The following BMP8B variants were observed in gnomAD, a reference collection of about 807,000 sequenced individuals.
BMP8B encodes the protein bone morphogenetic protein 8b, also known as bone morphogenetic protein 8 (osteogenic protein 2).
Under a neutral mutation model 30.3 loss-of-function variants are expected in BMP8B, and 17 were observed. The observed-to-expected ratio is 0.56, with a 90% CI of 0.38 to 0.84. BMP8B has a LOEUF of 0.84. Ranked by LOEUF, BMP8B falls within the 40% of genes least tolerant of loss-of-function variation. The pLI, the probability that BMP8B is intolerant of heterozygous loss-of-function variation, is 0.00. For synonymous variants in BMP8B, 131 were observed against 214.7 expected (o/e 0.61, Z 3.41); for missense variants, 253 against 494.6 (o/e 0.51, Z 4.63).
At chr1:39,771,283 G>T in intron 3 of BMP8B, 1 of 1,491,288 alleles carries the variant, frequency 6.7e-7, no homozygotes, top group Non-Finnish European at 8.9e-7. Context: ...GGCCAGGACA[G>T]GTGGTGTGAG....
Position 39,763,405 on chromosome 1 carries a change from C to T in BMP8B, c.949-203G>A, listed in dbSNP as rs1161330430. Among the ~76,000 whole-genome samples, 2 of 144,690 alleles carry T rather than the reference C, an allele frequency of 1.4e-5. 1 individual carries two copies. The highest frequency in any genetic ancestry group is 5.2e-5 in the African/African-American group (2 of 38,722). The allele number at this position is 144,690 out of a possible 152,430, so 94.9% of individuals were successfully genotyped here. A position where few individuals can be genotyped will look rare whatever the true frequency, so the allele number is the denominator to read the frequency against. ...TTGCGTCCCCTCCCCAGCCGGCCCT[C>T]CCCTGCCCACGCCTCCCAGAGCTGC... On this transcript the variant is annotated intron_variant, in intron 5 of 6. Coordinates refer to ENST00000372827, the MANE Select transcript of BMP8B (RefSeq NM_001720.5).
intron 1 of BMP8B, among the ~76,000 whole-genome samples, chr1:39,780,457 GC>G (rs1650553466): frequency 6.6e-6 from 1 of 152,232 alleles, no homozygotes; most frequent in Admixed American, 6.5e-5. Context: ...GGAGCACCAA[GC>G]GGTGCAGTTG....
intron 1 of BMP8B, among the ~76,000 whole-genome samples, chr1:39,775,804 A>T (rs1212976553): frequency 1.3e-5 from 2 of 152,258 alleles, no homozygotes; most frequent in Middle Eastern, 6.8e-3. Context: ...CAGGAGTGAC[A>T]ACTCCCAGAG....
chr1:39,785,557 G>A (rs1207936235), intron 1 of BMP8B, among the ~76,000 whole-genome samples: 1 of 152,252 alleles, frequency 6.6e-6, no homozygotes, highest in Non-Finnish European at 1.5e-5. Flanking sequence ...CAAGAGTTGG[G>A]CCCTACGGGC....
At chr1:39,786,001 A>G (rs536167763) in intron 1 of BMP8B, among the ~76,000 whole-genome samples, 3 of 152,314 alleles carry the variant, frequency 2.0e-5, no homozygotes, top group Non-Finnish European at 4.4e-5. Context: ...CCAAGTCTTC[A>G]TGAAATGCAC....
At position 39,788,272 on chromosome 1, in the gene BMP8B, A is replaced by C. The variant is rs770650198; in HGVS notation, c.214T>G (p.Ser72Ala). The C allele has an allele frequency of 1.4e-6, 2 of 1,379,888 alleles. No individual in the cohort carries two copies. Among genetic ancestry groups the C allele is most frequent in the Non-Finnish European group, 1.9e-6 (2 of 1,073,412 alleles). The allele number at this position is 1,379,888 out of a possible 1,614,324, so 85.5% of individuals were successfully genotyped here. A position where few individuals can be genotyped will look rare whatever the true frequency, so the allele number is the denominator to read the frequency against. ...AGGTCCAGCATGAAGAGCGGCGCGGACGCGGGCAGCCGGGAGGCGGCGGGT... is the reference window on the plus strand; with the variant it reads ...AGGTCCAGCATGAAGAGCGGCGCGGCCGCGGGCAGCCGGGAGGCGGCGGGT... ...APPAASRLPA[S>A]APLFMLDLYH... The change falls in exon 1 of 7, where the codon TCC (serine) becomes GCC (alanine). Residue 72 changes from serine (S) to alanine (A), a missense_variant. Ser to Ala is a moderately conservative substitution (Grantham distance 99). Coordinates refer to ENST00000372827, the MANE Select transcript of BMP8B (RefSeq NM_001720.5). The surrounding 1 kb of genome is among the most constrained non-coding windows in gnomAD (Gnocchi z 5.8).
rs996876030 is a variant in BMP8B, at chr1:39,762,644, C to T, written c.1059+448G>A. 33 of 1,542,676 alleles carry T rather than the reference C, an allele frequency of 2.1e-5. 1 individual carries two copies. Among genetic ancestry groups the T allele is most frequent in the African/African-American group, 8.3e-5 (6 of 72,494 alleles). ...ATCTAGAAGCTTCCTGCCTGCGGTG[C>T]GGCACAGGTGGGTGAGTGCACACGC... On this transcript the variant is annotated intron_variant, in intron 6 of 6. Coordinates refer to ENST00000372827, the MANE Select transcript of BMP8B (RefSeq NM_001720.5).
At chr1:39,776,469 G>C (rs1424996935) in intron 1 of BMP8B, among the ~76,000 whole-genome samples, 2 of 152,220 alleles carry the variant, frequency 1.3e-5, no homozygotes, top group South Asian at 4.1e-4. Flanking sequence ...CAGTGACCAC[G>C]GTCAGGTTTG....
rs565413468 is a variant in BMP8B, at chr1:39,779,447, C to T, written c.335-4409G>A. Reference sequence around the variant, plus strand: ...ACTTGGTCCCTATTCTCAGGTTGTTCAGAGGTTGCTGGGGAGGAGGAGAAA... The same window carrying T: ...ACTTGGTCCCTATTCTCAGGTTGTTTAGAGGTTGCTGGGGAGGAGGAGAAA... On this transcript the variant is annotated intron_variant, in intron 1 of 6. Transcript: ENST00000372827. Among the ~76,000 whole-genome samples, 3 of 152,292 alleles carry T rather than the reference C, an allele frequency of 2.0e-5. No individual in the cohort carries two copies. In the East Asian group the frequency reaches 5.8e-4, roughly 29 times the overall value.
chr1:39,782,153 A>AG (rs1034265665), intron 1 of BMP8B, among the ~76,000 whole-genome samples: 4 of 147,988 alleles, frequency 2.7e-5, no homozygotes, highest in African/African-American at 7.6e-5. Context: ...CTCCATCTCA[A>AG]AAAAAAAAAA....
chr1:39,771,608 C>A (rs964236797), intron 3 of BMP8B, among the ~76,000 whole-genome samples: 1 of 150,634 alleles, frequency 6.6e-6, no homozygotes, highest in African/African-American at 2.5e-5. Context: ...CCAGCTTCCC[C>A]AGCTCATTAA....
At chr1:39,781,776 G>C (rs747408428) in intron 1 of BMP8B, among the ~76,000 whole-genome samples, 5 of 152,202 alleles carry the variant, frequency 3.3e-5, no homozygotes, top group Non-Finnish European at 7.3e-5. Context: ...GCTGGGCACT[G>C]GTACTGCCAT....
intron 1 of BMP8B, among the ~76,000 whole-genome samples, chr1:39,785,637 G>T (rs1343752724): frequency 6.6e-6 from 1 of 152,174 alleles, no homozygotes. Flanking sequence ...GCAGGTGTGG[G>T]AGCCTGCGTG....
rs544631117 is a variant in BMP8B at position 39,763,575 on chromosome 1, A to G, written c.948+137T>C. 8.4e-6 allele frequency: 11 copies of G among 1,306,322 alleles called. 1 individual carries two copies. The East Asian group carries it at 1.8e-4, about 21-fold the overall frequency. The allele number at this position is 1,306,322 out of a possible 1,614,324, so 80.9% of individuals were successfully genotyped here. ...CCCTTTCTCACCATATTCTCACTTTAGAAAACTTGGAAAACACAGAAGAAA... is the reference window on the plus strand; with the variant it reads ...CCCTTTCTCACCATATTCTCACTTTGGAAAACTTGGAAAACACAGAAGAAA... On this transcript the variant is annotated intron_variant, in intron 5 of 6. Coordinates refer to ENST00000372827, the MANE Select transcript of BMP8B (RefSeq NM_001720.5).
intron 1 of BMP8B, among the ~76,000 whole-genome samples, 184 bp downstream of exon 1, chr1:39,787,968 C>T (rs1318604149): frequency 6.6e-6 from 1 of 152,188 alleles, no homozygotes; most frequent in Admixed American, 6.5e-5. Flanking sequence ...CTGACCACCC[C>T]GCAGCCCAGG....
chr1:39,770,416 CTCAAT>C lies in BMP8B; in HGVS notation c.673+3887_673+3891del, dbSNP rs777397024. The C allele has an allele frequency of 4.5e-5, 73 of 1,607,976 alleles. 1 individual carries two copies. In the East Asian group the frequency reaches 1.4e-3, roughly 31 times the overall value. ...CTTCCTCTTTCAGGATCGTTAAGCG[CTCAAT>C]TCGTTTCTCGTATTTCTGCCCCTTT... On this transcript the variant is annotated intron_variant, in intron 3 of 6. Transcript: ENST00000372827.
At position 39,788,576 on chromosome 1, in the gene BMP8B, A is replaced by T; in HGVS notation, c.-91T>A. 2 of 956,030 alleles carry T rather than the reference A, an allele frequency of 2.1e-6. No individual in the cohort carries two copies. Among genetic ancestry groups the T allele is most frequent in the Non-Finnish European group, 2.5e-6 (2 of 803,648 alleles). 59.2% of individuals were successfully genotyped at this position (956,030 alleles called of 1,614,324 possible). On this transcript the variant is annotated 5_prime_UTR_variant, in exon 1 of 7. Transcript: ENST00000372827. This position sits in a 1 kb window ranked among gnomAD's most constrained non-coding sequence, Gnocchi z 5.8. The stretch of plus-strand genomic sequence containing the variant: ...GCCTGGGGACGCCCCGACGGCAAGG[A>T]GGCTGGGCTCGGCGGGCGGCGGGCG...
rs1358119511 is a variant in BMP8B, at chr1:39,759,512, C to G, written c.*907G>C. On this transcript the variant is annotated 3_prime_UTR_variant, in exon 7 of 7. Coordinates refer to ENST00000372827, the MANE Select transcript of BMP8B (RefSeq NM_001720.5). ...CACTCAGATTTGGAAGAAAAACATTCCAGATTGATTACTGATGTCTGCCAT... is the reference window on the plus strand; with the variant it reads ...CACTCAGATTTGGAAGAAAAACATTGCAGATTGATTACTGATGTCTGCCAT... 1 of 152,232 alleles carries G rather than the reference C, an allele frequency of 6.6e-6. No homozygotes were observed. Among genetic ancestry groups the G allele is most frequent in the Admixed American group, 6.5e-5 (1 of 15,280 alleles). The allele number at this position is 152,232 out of a possible 1,614,324, so 9.4% of individuals were successfully genotyped here.
chr1:39,770,755 T>G (rs886681041), intron 3 of BMP8B: 13 of 949,974 alleles, frequency 1.4e-5, no homozygotes, highest in Non-Finnish European at 1.6e-5. Flanking sequence ...GGGCGCCCCC[T>G]TCCTGGACCA....
Sources: gnomAD v4.1 joint callset for allele counts (sites outside exome capture counted in the v4.1 genomes callset) on GRCh38, gnomAD v4.1.1 for gene constraint, Gnocchi (gnomAD v3.1) non-coding constraint, MANE v1.5 for transcripts, NCBI Gene and HGNC (gene_info 2026-07-23, HGNC 2026-07-21) for gene names.